Variants in TENM2 observed in about 807,000 individuals in gnomAD.
TENM2 encodes the protein teneurin transmembrane protein 2.
Under a neutral mutation model 245.2 loss-of-function variants are expected in TENM2, and 52 were observed. The ratio of observed to expected loss-of-function variants is 0.21; its 90% confidence interval spans 0.17 to 0.27. The LOEUF (loss-of-function observed/expected upper bound fraction) is 0.27. Ranked by LOEUF, TENM2 falls within the 10% of genes least tolerant of loss-of-function variation. The probability of loss-of-function intolerance (pLI) is 1.00; values close to 1 mark genes in which losing one functional copy is unlikely to be tolerated. For synonymous variants in TENM2, 1,363 were observed against 1,438.9 expected, an observed-to-expected ratio of 0.95 and a Z score of 1.19; for missense variants, 3,046 against 3,666.8, an observed-to-expected ratio of 0.83 and a Z score of 4.37.
At chr5:167,466,374 T>C (rs188007994) in intron 2 of TENM2, among the ~76,000 whole-genome samples, 252 of 152,330 alleles carry the variant, frequency 1.7e-3, no homozygotes, top group African/African-American at 5.9e-3. Flanking sequence ...TACCTATAGC[T>C]AACCTCATAG....
chr5:167,722,674 A>C (rs1759712677), intron 2 of TENM2, among the ~76,000 whole-genome samples: 1 of 152,052 alleles, frequency 6.6e-6, no homozygotes, highest in Non-Finnish European at 1.5e-5. Flanking sequence ...CTAGGCAGGC[A>C]GCTGAGGCAG....
In TENM2 at chr5:167,371,702, CTTTG is replaced by C. The variant is rs1320980724; in HGVS notation, c.227-3492_227-3489del. Among the ~76,000 whole-genome samples, 14 of 152,108 alleles carry C rather than the reference CTTTG, an allele frequency of 9.2e-5. No homozygotes were observed. The South Asian group carries it at 2.7e-3, about 29-fold the overall frequency. On this transcript the variant is annotated intron_variant, in intron 1 of 28. Coordinates refer to ENST00000518659, the Ensembl canonical transcript of TENM2. ...AATATTTATCACTGTATGGATTGCA[CTTTG>C]TTTATGTGATTCTTTGATTAATGCC...
chr5:167,757,502 T>G (rs946147171), intron 2 of TENM2, among the ~76,000 whole-genome samples: 1 of 152,176 alleles, frequency 6.6e-6, no homozygotes, highest in Non-Finnish European at 1.5e-5. Flanking sequence ...CGATGGGCAT[T>G]TGGGTTGGTT....
At chr5:167,047,333 A>G in the TENM2 span, among the ~76,000 whole-genome samples, 2 of 152,150 alleles carry the variant, frequency 1.3e-5, no homozygotes, top group Non-Finnish European at 2.9e-5. Flanking sequence ...AAGCAAAGTA[A>G]TCATCTGTAC....
Position 168,168,681 on chromosome 5 carries a change from C to CA in TENM2, c.2569+5944dup, listed in dbSNP as rs36016365. 2.8e-3 allele frequency among the ~76,000 whole-genome samples: 357 copies of CA among 128,034 alleles called. 4 individuals carry two copies. Among genetic ancestry groups the CA allele is most frequent in the Admixed American group, 4.2e-3 (52 of 12,476 alleles). The allele number at this position is 128,034 out of a possible 152,430, so 84.0% of individuals were successfully genotyped here. A position where few individuals can be genotyped will look rare whatever the true frequency, so the allele number is the denominator to read the frequency against. On this transcript the variant is annotated intron_variant, in intron 13 of 28. Coordinates refer to ENST00000518659, the Ensembl canonical transcript of TENM2. ...TGGGCGACAGAGTGAGACCCTGTCT[C>CA]AAAAAAAAAAAAAAAAAAAAGACAT...
At chr5:167,507,222 C>T (rs1005477273) in intron 2 of TENM2, among the ~76,000 whole-genome samples, 1 of 152,094 alleles carries the variant, frequency 6.6e-6, no homozygotes, top group Non-Finnish European at 1.5e-5. Flanking sequence ...TAAATGCAAT[C>T]TTATTTTTAA....
chr5:167,797,366 G>A (rs1765394418), intron 2 of TENM2, among the ~76,000 whole-genome samples: 1 of 152,104 alleles, frequency 6.6e-6, no homozygotes, highest in South Asian at 2.1e-4. Context: ...CCTTTAATGA[G>A]CGGAAATATT....
chr5:167,978,853 A>G (rs1423406985), intron 4 of TENM2, among the ~76,000 whole-genome samples: 2 of 152,226 alleles, frequency 1.3e-5, no homozygotes, highest in African/African-American at 4.8e-5. Flanking sequence ...CCGGAGGATC[A>G]GCGTGTCACC....
chr5:167,410,135 TAC>T (rs1762833653), intron 2 of TENM2, among the ~76,000 whole-genome samples: 2 of 152,002 alleles, frequency 1.3e-5, no homozygotes, highest in South Asian at 4.1e-4. Context: ...ATGAAATTTT[TAC>T]AGTGATGATA....
the TENM2 span, among the ~76,000 whole-genome samples, chr5:167,174,717 C>T: frequency 2.6e-5 from 4 of 152,068 alleles, no homozygotes; most frequent in East Asian, 1.9e-4. Flanking sequence ...TTATGCAATA[C>T]GATATTATCA....
the TENM2 span, among the ~76,000 whole-genome samples, chr5:167,027,812 C>T: frequency 1.1e-4 from 16 of 152,070 alleles, no homozygotes; most frequent in Admixed American, 8.5e-4. Context: ...GGTGCGGTGG[C>T]TCATGCCTGT....
intron 3 of TENM2, among the ~76,000 whole-genome samples, chr5:167,900,136 G>A (rs376436697): frequency 2.0e-4 from 15 of 74,034 alleles, no homozygotes; most frequent in African/African-American, 1.0e-3. Context: ...AAAAAAAAGG[G>A]GGGGGGGGTT....
chr5:167,582,765 T>A (rs1356380718), intron 2 of TENM2, among the ~76,000 whole-genome samples: 1 of 152,218 alleles, frequency 6.6e-6, no homozygotes, highest in Non-Finnish European at 1.5e-5. Context: ...TTGAGGATTT[T>A]TTTTTAAATG....
At chr5:167,040,250 C>T in the TENM2 span, among the ~76,000 whole-genome samples, 200 of 151,930 alleles carry the variant, frequency 1.3e-3, 4 homozygotes, top group East Asian at 0.035. Flanking sequence ...TTTACAATTT[C>T]AGTGTAGTGC....
chr5:167,720,347 T>A (rs1292779616), intron 2 of TENM2, among the ~76,000 whole-genome samples: 2 of 152,314 alleles, frequency 1.3e-5, no homozygotes, highest in Admixed American at 6.5e-5. Context: ...AAAGATTGCA[T>A]ACTGACAGAG....
intron 27 of TENM2, among the ~76,000 whole-genome samples, chr5:168,255,298 C>CT (rs1452684866): frequency 4.4e-4 from 67 of 151,414 alleles, no homozygotes; most frequent in African/African-American, 1.6e-3. Context: ...ATTAACACTT[C>CT]TTTTTTTTTC....
chr5:167,192,185 G>A, the TENM2 span, among the ~76,000 whole-genome samples: 1 of 152,034 alleles, frequency 6.6e-6, no homozygotes, highest in Non-Finnish European at 1.5e-5. Context: ...TTTCTGCTGA[G>A]TCTGGGTAGC....
the TENM2 span, among the ~76,000 whole-genome samples, chr5:167,245,514 C>T: frequency 0.93 from 138,491 of 149,640 alleles, 64,034 homozygotes; most frequent in East Asian, 0.98. Context: ...TTTTCTTTTT[C>T]TTTTTTTTAA....
At chr5:167,970,802 G>A (rs1375938856) in intron 4 of TENM2, among the ~76,000 whole-genome samples, 1 of 151,970 alleles carries the variant, frequency 6.6e-6, no homozygotes, top group Non-Finnish European at 1.5e-5. Flanking sequence ...ATACTCCAGT[G>A]AATTAATCTG....
Sources: allele counts gnomAD v4.1 joint callset (sites outside exome capture counted in the v4.1 genomes callset), GRCh38; gene constraint gnomAD v4.1.1; transcripts MANE v1.5; gene names NCBI Gene and HGNC (gene_info 2026-07-23, HGNC 2026-07-21).